MED26: variants seen among roughly 807,000 people sequenced by gnomAD.
The protein encoded by MED26 is mediator complex subunit 26.
A neutral mutation model predicts 43.7 loss-of-function variants in MED26; 7 were observed. The observed-to-expected ratio is 0.16, with a 90% confidence interval of 0.09 to 0.30. The LOEUF (loss-of-function observed/expected upper bound fraction) is 0.30. MED26 is among the 10% of genes least tolerant of loss of function. MED26 has a pLI of 1.00. For synonymous variants in MED26, 375 were observed against 371.1 expected, an observed-to-expected ratio of 1.01 and a Z score of -0.12; for missense variants, 784 against 840.6, an observed-to-expected ratio of 0.93 and a Z score of 0.83.
chr19:16,575,981 C>A lies in MED26; in HGVS notation c.*46G>T, dbSNP rs774228539. On this transcript the variant is annotated 3_prime_UTR_variant, in exon 3 of 3. Coordinates refer to ENST00000263390, the MANE Select transcript of MED26 (RefSeq NM_004831.5). ...ACCTGCCCACCTGCCTGCCCGCCCACCCGGCTTCTGCAAGATGGGAATGCA... is the reference window on the plus strand; with the variant it reads ...ACCTGCCCACCTGCCTGCCCGCCCAACCGGCTTCTGCAAGATGGGAATGCA... The A allele has an allele frequency of 1.3e-6, 2 of 1,558,470 alleles. No individual in the cohort carries two copies. The highest frequency in any genetic ancestry group is 8.7e-7 in the Non-Finnish European group (1 of 1,145,048).
rs747742726 is a variant in MED26 at position 16,576,975 on chromosome 19, G to C, written c.855C>G (p.Ala285=). Residue 285 remains alanine (A), a synonymous_variant, in exon 3 of 3, where the codon GCC becomes GCG. Transcript: ENST00000263390. This position sits in a 1 kb window ranked among gnomAD's most constrained non-coding sequence, Gnocchi z 6.8. ...PRNSRHEGSF[A]RQQSLYAPKG... ...TGGGTGCATACAAGCTCTGCTGCCG[G>C]GCAAAGGAGCCCTCATGCCGTGAGT... 11 of 1,602,422 alleles carry C rather than the reference G, an allele frequency of 6.9e-6. No homozygotes were observed. The highest frequency in any genetic ancestry group is 1.1e-5 in the South Asian group (1 of 89,938).
intron 1 of MED26, among the ~76,000 whole-genome samples, chr19:16,617,252 C>T (rs2086230552): frequency 6.6e-6 from 1 of 152,218 alleles, no homozygotes; most frequent in Non-Finnish European, 1.5e-5. Flanking sequence ...TGCCCCCTCC[C>T]CATTCCAGGC....
At position 16,576,694 on chromosome 19, in the gene MED26, G is replaced by A. The variant is rs78725909; in HGVS notation, c.1136C>T (p.Ala379Val). Residue 379 changes from alanine to valine, a missense_variant, in exon 3 of 3, where the codon GCG (alanine) becomes GTG (valine). By Grantham distance (64) the Ala-to-Val change is moderately conservative. This residue lies in a region of MED26 where 719 missense variants were observed against 730.9 expected (regional missense o/e 0.98). Transcript: ENST00000263390. This position sits in a 1 kb window ranked among gnomAD's most constrained non-coding sequence, Gnocchi z 6.8. Reference protein sequence around the residue: ...RAGFSPDSSKADSDAASSGGS... With the variant: ...RAGFSPDSSKVDSDAASSGGS... Reference sequence around the variant, plus strand: ...CCCTGAGGAGGCAGCATCACTGTCCGCCTTGGAGGAGTCTGGGGAAAAGCC... The same window carrying A: ...CCCTGAGGAGGCAGCATCACTGTCCACCTTGGAGGAGTCTGGGGAAAAGCC... 330 of 1,613,628 alleles carry A rather than the reference G, an allele frequency of 2.0e-4. No homozygotes were observed. Among genetic ancestry groups the A allele is most frequent in the Middle Eastern group, 1.2e-3 (7 of 6,062 alleles).
chr19:16,617,191 C>T (rs2086230168), intron 1 of MED26, among the ~76,000 whole-genome samples: 1 of 152,150 alleles, frequency 6.6e-6, no homozygotes, highest in South Asian at 2.1e-4. Context: ...AAGTCTTCCA[C>T]ATACCATCCA....
chr19:16,575,904 C>T lies in MED26; in HGVS notation c.*123G>A. 1.2e-6 allele frequency: 1 copy of T among 829,994 alleles called. No individual in the cohort carries two copies. The highest frequency in any genetic ancestry group is 1.7e-5 in the African/African-American group (1 of 58,196). 51.4% of individuals were successfully genotyped at this position (829,994 alleles called of 1,614,324 possible). ...CGTGACTCCCGCCCCCTCCCTCCCG[C>T]CTGGGCCGGACTCCCCGAGTTCCCA... On this transcript the variant is annotated 3_prime_UTR_variant, in exon 3 of 3. Transcript: ENST00000263390.
At chr19:16,598,245 G>C (rs1292090340) in intron 1 of MED26, among the ~76,000 whole-genome samples, 2 of 147,860 alleles carry the variant, frequency 1.4e-5, no homozygotes, top group Non-Finnish European at 3.0e-5. Context: ...GCTGACGCAG[G>C]AGAATGGCTT....
chr19:16,605,909 C>A (rs915240773), intron 1 of MED26, among the ~76,000 whole-genome samples: 1 of 152,224 alleles, frequency 6.6e-6, no homozygotes, highest in Admixed American at 6.5e-5. Flanking sequence ...TATCGAACTC[C>A]TGGTTACAAA....
intron 1 of MED26, among the ~76,000 whole-genome samples, chr19:16,593,637 G>T (rs1279131126): frequency 6.6e-6 from 1 of 152,098 alleles, no homozygotes; most frequent in Non-Finnish European, 1.5e-5. Flanking sequence ...CTCCCTCTGT[G>T]GCAAGTCAAC....
rs141322866 is a variant in MED26 at position 16,577,154 on chromosome 19, C to T, written c.676G>A (p.Val226Met). 41 of 1,613,182 alleles carry T rather than the reference C, an allele frequency of 2.5e-5. No individual in the cohort carries two copies. The highest frequency in any genetic ancestry group is 4.5e-5 in the East Asian group (2 of 44,892). ...CCCGGGGAGCTGGTGTGCGGTCGCA[C>T]GGCGTTGACGGGGATCTTGCCACTG... ...KHSGKIPVNA[V>M]RPHTSSPGLG... Residue 226 changes from valine (V) to methionine (M), a missense_variant, in exon 3 of 3, where the codon GTG becomes ATG. Val to Met is a conservative substitution (Grantham distance 21). This residue lies in a region of MED26 where 719 missense variants were observed against 730.9 expected (regional missense o/e 0.98). Coordinates refer to ENST00000263390, the MANE Select transcript of MED26 (RefSeq NM_004831.5). This position sits in a 1 kb window ranked among gnomAD's most constrained non-coding sequence, Gnocchi z 8.1.
At chr19:16,578,083 A>G in intron 2 of MED26, 1 of 545,058 alleles carries the variant, frequency 1.8e-6, no homozygotes, top group Admixed American at 3.5e-5. Flanking sequence ...GCCTCCTCCA[A>G]GCACACCTCT....
chr19:16,578,477 C>T, intron 1 of MED26, 68 bp from the exon 2 acceptor site: 2 of 1,419,434 alleles, frequency 1.4e-6, no homozygotes, highest in Non-Finnish European at 2.0e-6. Flanking sequence ...ACACCCTGCC[C>T]CAGCCTGCTC....
chr19:16,592,825 G>A (rs117747882), intron 1 of MED26, among the ~76,000 whole-genome samples: 23 of 152,344 alleles, frequency 1.5e-4, no homozygotes, highest in Non-Finnish European at 3.2e-4. Flanking sequence ...GGCAGATGAT[G>A]GCTGTCTTGG....
At chr19:16,621,860 CAGAGGG>C (rs1221259265) in intron 1 of MED26, among the ~76,000 whole-genome samples, 2 of 152,038 alleles carry the variant, frequency 1.3e-5, no homozygotes, top group African/African-American at 4.8e-5. Flanking sequence ...AAATCTAATC[CAGAGGG>C]TACAACAACA....
chr19:16,596,679 T>G (rs566648117), intron 1 of MED26, among the ~76,000 whole-genome samples: 141 of 152,256 alleles, frequency 9.3e-4, no homozygotes, highest in Non-Finnish European at 1.2e-3. Context: ...GGGGTTGAAG[T>G]GGAAGAGGCA....
intron 1 of MED26, among the ~76,000 whole-genome samples, chr19:16,620,255 C>G (rs1305030147): frequency 6.6e-6 from 1 of 152,216 alleles, no homozygotes; most frequent in Non-Finnish European, 1.5e-5. Flanking sequence ...TGGCCTCTCA[C>G]ATGACAAGGG....
intron 1 of MED26, among the ~76,000 whole-genome samples, chr19:16,616,308 T>C (rs1055773789): frequency 3.9e-5 from 6 of 152,218 alleles, no homozygotes; most frequent in Admixed American, 6.5e-5. Flanking sequence ...GCAAGGTGAA[T>C]GGCAGAGTCA....
rs2086019943 is a variant in MED26, at chr19:16,577,719, C to T, written c.148-37G>A. On this transcript the variant is annotated intron_variant, in intron 2 of 2. Transcript: ENST00000263390. The surrounding 1 kb of genome is among the most constrained non-coding windows in gnomAD (Gnocchi z 8.1). ...GGGAGATGATGACATACTTTCGGGA[C>T]AGGAACTTCTCCATGAGCTGAGCCA... The T allele has an allele frequency of 2.7e-6, 4 of 1,500,936 alleles. No individual in the cohort carries two copies. The East Asian group carries it at 9.2e-5, about 35-fold the overall frequency. 93.0% of individuals were successfully genotyped at this position (1,500,936 alleles called of 1,614,324 possible).
intron 1 of MED26, among the ~76,000 whole-genome samples, chr19:16,590,953 T>G (rs1005317210): frequency 1.3e-5 from 2 of 151,790 alleles, no homozygotes; most frequent in African/African-American, 4.8e-5. Context: ...CGCATGAGAA[T>G]CACTTGAACC....
chr19:16,578,591 A>T (rs915664928), intron 1 of MED26, 182 bp from the exon 2 acceptor site: 1 of 602,988 alleles, frequency 1.7e-6, no homozygotes, highest in African/African-American at 1.9e-5. Flanking sequence ...CCCAGTGCTC[A>T]TCCTCACCTG....
Sources: allele counts gnomAD v4.1 joint callset (sites outside exome capture counted in the v4.1 genomes callset), GRCh38; gene constraint gnomAD v4.1.1; regional missense constraint gnomAD v4.1.1; non-coding constraint Gnocchi (gnomAD v3.1); transcripts MANE v1.5; gene names NCBI Gene and HGNC (gene_info 2026-07-23, HGNC 2026-07-21).